Variants in OCA2 observed in about 807,000 individuals in gnomAD.
OCA2 encodes P protein.
In OCA2, 77 loss-of-function variants were observed where a neutral mutation model predicts 100.2. The ratio of observed to expected loss-of-function variants is 0.77; its 90% CI spans 0.64 to 0.93. The LOEUF (loss-of-function observed/expected upper bound fraction) is 0.93. Among genes scored for constraint, OCA2 ranks in the 40% least tolerant of loss-of-function variants. OCA2 has a pLI of 0.00. For synonymous variants in OCA2, 432 were observed against 439.2 expected (o/e 0.98, Z 0.21); for missense variants, 1,062 against 1,089.1 (o/e 0.98, Z 0.35).
the OCA2 span, among the ~76,000 whole-genome samples, chr15:27,720,749 CAT>C: frequency 1.4e-4 from 21 of 152,150 alleles, no homozygotes; most frequent in Admixed American, 1.4e-3. Flanking sequence ...GGTGTACACA[CAT>C]GTCACAATTG....
the OCA2 span, among the ~76,000 whole-genome samples, chr15:27,741,835 A>T: frequency 1.3e-5 from 2 of 152,228 alleles, no homozygotes; most frequent in Non-Finnish European, 2.9e-5. Flanking sequence ...AATTACTTTT[A>T]TTCAAATGTG....
intron 9 of OCA2, among the ~76,000 whole-genome samples, chr15:28,011,821 G>C (rs1391935836): frequency 6.6e-6 from 1 of 151,908 alleles, no homozygotes; most frequent in Non-Finnish European, 1.5e-5. Context: ...GGGAGGCTGA[G>C]GCAGGAGAAT....
intron 23 of OCA2, among the ~76,000 whole-genome samples, chr15:27,808,193 C>T (rs1206472049): frequency 1.3e-5 from 2 of 152,218 alleles, no homozygotes; most frequent in Non-Finnish European, 2.9e-5. Context: ...CCTTCTGCTC[C>T]GGCAAGCCCA....
At chr15:27,830,007 T>TGTGTA in intron 23 of OCA2, among the ~76,000 whole-genome samples, 1 of 152,356 alleles carries the variant, frequency 6.6e-6, no homozygotes, top group African/African-American at 2.4e-5. Context: ...TTTTAAGGTT[T>TGTGTA]ATTACAATCC....
intron 15 of OCA2, among the ~76,000 whole-genome samples, chr15:27,960,621 T>C (rs1320521865): frequency 6.6e-6 from 1 of 151,756 alleles, no homozygotes; most frequent in Non-Finnish European, 1.5e-5. Flanking sequence ...TCTATCTATG[T>C]ATCTATGTAT....
chr15:27,771,084 CTCTT>C (rs2031803074), intron 23 of OCA2, among the ~76,000 whole-genome samples: 5 of 150,062 alleles, frequency 3.3e-5, no homozygotes, highest in Non-Finnish European at 5.9e-5. Context: ...TCCTCCCTCC[CTCTT>C]TTCTCCCTCC....
At chr15:27,971,601 C>T (rs1228634717) in intron 14 of OCA2, among the ~76,000 whole-genome samples, 1 of 152,144 alleles carries the variant, frequency 6.6e-6, no homozygotes. Flanking sequence ...CTGTCCAGTG[C>T]TGGAAATTCC....
intron 13 of OCA2, 60 bp from the exon 14 acceptor site, chr15:27,983,543 T>C (rs763134523): frequency 6.9e-6 from 11 of 1,586,986 alleles, no homozygotes; most frequent in South Asian, 1.1e-5. Context: ...AAGGCCCACA[T>C]GCAACCCAGA....
chr15:27,934,003 C>T (rs529554831), intron 18 of OCA2, among the ~76,000 whole-genome samples: 10 of 151,950 alleles, frequency 6.6e-5, no homozygotes, highest in Non-Finnish European at 1.2e-4. Flanking sequence ...ATGTATATAT[C>T]ACATATGGAT....
At chr15:27,793,355 G>A (rs939180033) in intron 23 of OCA2, among the ~76,000 whole-genome samples, 10 of 151,806 alleles carry the variant, frequency 6.6e-5, no homozygotes, top group South Asian at 2.1e-4. Context: ...ATACTCTTCC[G>A]GGATTTTTAA....
intron 14 of OCA2, among the ~76,000 whole-genome samples, chr15:27,975,140 C>T (rs1437074218): frequency 6.6e-6 from 1 of 152,180 alleles, no homozygotes; most frequent in Non-Finnish European, 1.5e-5. Context: ...CGATCTAGGA[C>T]TGTAAGGGCA....
intron 23 of OCA2, among the ~76,000 whole-genome samples, chr15:27,804,553 T>C (rs77901400): frequency 0.037 from 5,596 of 152,316 alleles, 324 homozygotes; most frequent in African/African-American, 0.13. Context: ...TAGAATGTTC[T>C]TTTTTGTTTT....
chr15:27,856,276 T>C (rs1172360740), intron 21 of OCA2, among the ~76,000 whole-genome samples: 1 of 152,228 alleles, frequency 6.6e-6, no homozygotes, highest in African/African-American at 2.4e-5. Context: ...CATTCCAAAG[T>C]ACCCGGGGTT....
At chr15:28,064,637 T>G (rs527607111) in intron 2 of OCA2, among the ~76,000 whole-genome samples, 7 of 152,226 alleles carry the variant, frequency 4.6e-5, no homozygotes, top group Admixed American at 1.3e-4. Flanking sequence ...AATTTCTATC[T>G]CTTTGTTGAT....
rs145583548 is a variant in OCA2, at chr15:27,946,900, AC to A, written c.1951+4883del. ...GAAACTGTCTGGCCTGCCTTGTTTG[AC>A]TGTGGGTCCTACAACTCCCATTCCA... On this transcript the variant is annotated intron_variant, in intron 18 of 23. Transcript: ENST00000354638. 3.7e-3 allele frequency among the ~76,000 whole-genome samples: 560 copies of A among 152,236 alleles called. 2 individuals are homozygous for A. The highest frequency in any genetic ancestry group is 0.013 in the African/African-American group (541 of 41,538).
intron 2 of OCA2, among the ~76,000 whole-genome samples, chr15:28,068,225 T>C (rs967373632): frequency 3.3e-5 from 5 of 152,132 alleles, no homozygotes; most frequent in African/African-American, 1.2e-4. Flanking sequence ...TGTCATTACA[T>C]GTGAGAAAGA....
At chr15:27,781,993 G>GA (rs371788012) in intron 23 of OCA2, among the ~76,000 whole-genome samples, 1 of 152,276 alleles carries the variant, frequency 6.6e-6, no homozygotes, top group East Asian at 1.9e-4. Context: ...ACACACTGTG[G>GA]AAAAAACACA....
intron 21 of OCA2, among the ~76,000 whole-genome samples, chr15:27,863,402 G>A (rs962414796): frequency 6.6e-6 from 1 of 152,206 alleles, no homozygotes; most frequent in African/African-American, 2.4e-5. Context: ...ATAGCTGGCA[G>A]GGGCACAAGT....
chr15:28,055,355 T>A (rs2043658013), intron 2 of OCA2, among the ~76,000 whole-genome samples: 1 of 152,172 alleles, frequency 6.6e-6, no homozygotes, highest in Non-Finnish European at 1.5e-5. Context: ...CCCCAAAACT[T>A]TTATCTGCAA....
Sources: gnomAD v4.1 joint callset for allele counts (sites outside exome capture counted in the v4.1 genomes callset) on GRCh38, gnomAD v4.1.1 for gene constraint, MANE v1.5 for transcripts, NCBI Gene and HGNC (gene_info 2026-07-23, HGNC 2026-07-21) for gene names.